Variants in HERC2 observed in about 807,000 individuals in gnomAD.
HERC2 encodes the protein HECT and RLD domain containing E3 ubiquitin protein ligase 2, also known as E3 ubiquitin-protein ligase HERC2.
HERC2 carries 102 observed loss-of-function variants against 537.7 expected under a neutral mutation model. The observed-to-expected ratio is 0.19, with a 90% CI of 0.16 to 0.22. The LOEUF (loss-of-function observed/expected upper bound fraction) is 0.22. Among genes scored for constraint, HERC2 ranks in the 10% least tolerant of loss-of-function variants. HERC2 has a pLI of 1.00. For missense variants in HERC2, 4,236 were observed against 6,198.2 expected, an observed-to-expected ratio of 0.68 and a Z score of 10.63; for synonymous variants, 2,224 against 2,466.2, an observed-to-expected ratio of 0.90 and a Z score of 2.91.
At chr15:28,261,383 T>G (rs2075411475) in intron 15 of HERC2, among the ~76,000 whole-genome samples, 1 of 152,360 alleles carries the variant, frequency 6.6e-6, no homozygotes, top group South Asian at 2.1e-4. Flanking sequence ...CAGTTAGATA[T>G]AACTGATATT....
intron 2 of HERC2, among the ~76,000 whole-genome samples, chr15:28,318,701 T>C (rs1175911576): frequency 6.6e-6 from 1 of 152,294 alleles, no homozygotes; most frequent in Non-Finnish European, 1.5e-5. Context: ...AAATGAGCCC[T>C]GCATTAGAGG....
At chr15:28,154,013 T>C (rs1271712849) in intron 69 of HERC2, among the ~76,000 whole-genome samples, 1 of 152,174 alleles carries the variant, frequency 6.6e-6, no homozygotes, top group Non-Finnish European at 1.5e-5. Flanking sequence ...CCATACCACA[T>C]TCTCAACAAT....
At position 28,114,680 on chromosome 15, in the gene HERC2, C is replaced by T. The variant is rs936062373; in HGVS notation, c.13845G>A (p.Leu4615=). The T allele has an allele frequency of 1.3e-5, 21 of 1,613,948 alleles. No individual in the cohort carries two copies. Among genetic ancestry groups the T allele is most frequent in the Non-Finnish European group, 1.8e-5 (21 of 1,180,034 alleles). The change falls in exon 90 of 93, where the codon TTG becomes TTA. Residue 4615 remains leucine, a synonymous_variant. Coordinates refer to ENST00000261609, the MANE Select transcript of HERC2 (RefSeq NM_004667.6). ...GGGTGATGTGTGTGTGCTTGGAGCTCAACTGAATGTCCTGGCCACTGGCAC... is the reference window on the plus strand; with the variant it reads ...GGGTGATGTGTGTGTGCTTGGAGCTTAACTGAATGTCCTGGCCACTGGCAC... ...VPSASGQDIQ[L]SSKHTHITLD... is the part of the protein sequence containing the mutation.
In HERC2 at chr15:28,262,964, TC is replaced by T; in HGVS notation, c.2075del (p.Gly692GlufsTer12). The T allele has an allele frequency of 6.2e-7, 1 of 1,614,142 alleles. No homozygotes were observed. The highest frequency in any genetic ancestry group is 8.5e-7 in the Non-Finnish European group (1 of 1,179,984). On this transcript the variant is annotated frameshift_variant, in exon 15 of 93. Transcript: ENST00000261609. LOFTEE classifies it high-confidence loss of function. ...GKGDNQRLGH[G>X]TEEHVRYPKL... ...TTGGATAACGAACATGTTCCTCTGT[TC>T]CATGTCCAAGTCTCTGGTTGTCACC...
intron 35 of HERC2, among the ~76,000 whole-genome samples, chr15:28,224,371 A>T (rs182283035): frequency 1.3e-3 from 199 of 152,004 alleles, no homozygotes; most frequent in Admixed American, 3.0e-3. Context: ...ATAGGCACAC[A>T]CCACTATGCC....
chr15:28,248,910 G>A (rs981721323), intron 20 of HERC2, among the ~76,000 whole-genome samples, 174 bp from the exon 21 acceptor site: 1 of 152,138 alleles, frequency 6.6e-6, no homozygotes, highest in African/African-American at 2.4e-5. Flanking sequence ...CGCAACCTCA[G>A]CCAAAACGGA....
intron 4 of HERC2, among the ~76,000 whole-genome samples, chr15:28,284,917 C>CA (rs1555451573): frequency 3.5e-5 from 2 of 56,958 alleles, no homozygotes; most frequent in African/African-American, 1.4e-4. Context: ...AACTCCGTCT[C>CA]GGAAAAAAAA....
intron 4 of HERC2, among the ~76,000 whole-genome samples, chr15:28,292,232 A>G (rs1468323859): frequency 1.1e-4 from 1 of 9,020 alleles, no homozygotes; most frequent in African/African-American, 1.4e-4. Context: ...TCCATCTCCA[A>G]AAAAAAAAAA....
At chr15:28,130,368 C>G (rs1441111652) in intron 82 of HERC2, 66 bp from the exon 83 acceptor site, 12 of 1,608,608 alleles carry the variant, frequency 7.5e-6, no homozygotes, top group Non-Finnish European at 1.0e-5. Context: ...TGACCAGCCT[C>G]CTGGGCAGCC....
At chr15:28,160,186 C>T (rs971688039) in intron 69 of HERC2, among the ~76,000 whole-genome samples, 6 of 152,162 alleles carry the variant, frequency 3.9e-5, no homozygotes, top group African/African-American at 1.4e-4. Flanking sequence ...GGTCAGGGAC[C>T]CACTTGAGGA....
At chr15:28,297,565 C>T (rs1258822203) in intron 3 of HERC2, among the ~76,000 whole-genome samples, 1 of 150,716 alleles carries the variant, frequency 6.6e-6, no homozygotes, top group African/African-American at 2.4e-5. Context: ...AAAAAAAAAA[C>T]ATGAAAATCA....
intron 69 of HERC2, among the ~76,000 whole-genome samples, chr15:28,153,876 G>A (rs1892715304): frequency 6.6e-6 from 1 of 152,104 alleles, no homozygotes; most frequent in Non-Finnish European, 1.5e-5. Flanking sequence ...GGAGCCCGGT[G>A]GGAGGGGCGG....
At chr15:28,201,706 A>T (rs1897929252) in intron 47 of HERC2, 152 bp from the exon 48 acceptor site, 1 of 640,098 alleles carries the variant, frequency 1.6e-6, no homozygotes. Flanking sequence ...AAAGACTAAT[A>T]GCAGTAGCAT....
rs181069637 is a variant in HERC2, at chr15:28,266,430, G to A, written c.1599-456C>T. On this transcript the variant is annotated intron_variant, in intron 12 of 92. Transcript: ENST00000261609. ...CTTGGGAGGCTGAGGCAGGAGAATC[G>A]CTTGAACCTGGGAGGAGGAGGTTGC... 3.9e-3 allele frequency among the ~76,000 whole-genome samples: 587 copies of A among 152,138 alleles called. 17 individuals are homozygous for A. The highest frequency in any genetic ancestry group is 1.1e-3 in the Non-Finnish European group (74 of 67,998).
At chr15:28,215,934 T>C in intron 38 of HERC2, 132 bp from the exon 39 acceptor site, 1 of 654,002 alleles carries the variant, frequency 1.5e-6, no homozygotes, top group Non-Finnish European at 2.5e-6. Context: ...TTGCAGTTTG[T>C]AAATTAATTC....
At chr15:28,151,657 C>T (rs1413796883) in intron 70 of HERC2, among the ~76,000 whole-genome samples, 1 of 151,974 alleles carries the variant, frequency 6.6e-6, no homozygotes, top group Non-Finnish European at 1.5e-5. Context: ...TCGGGAGCTA[C>T]ACTGAAGAGG....
chr15:28,264,796 G>A (rs1175874101), intron 14 of HERC2, among the ~76,000 whole-genome samples: 1 of 152,086 alleles, frequency 6.6e-6, no homozygotes, highest in Non-Finnish European at 1.5e-5. Flanking sequence ...TTAAAATGAC[G>A]AGATGTCAAA....
rs201857604 is a variant in HERC2 at position 28,169,520 on chromosome 15, G to C, written c.10193C>G (p.Ser3398Ter). The change falls in exon 66 of 93, where the codon TCA becomes TGA. Residue 3398 changes from serine (S) to a stop codon, truncating the protein, a stop_gained. Coordinates refer to ENST00000261609, the MANE Select transcript of HERC2 (RefSeq NM_004667.6). LOFTEE classifies it high-confidence loss of function. ...DGNLAKQQAL[S>*]HILTALQIMY... ...GATTTGCAATGCTGTAAGAATATGT[G>C]ATAAGGCCTGCTGTTTGGCCAGATT... The C allele has an allele frequency of 6.2e-7, 1 of 1,610,094 alleles. No individual in the cohort carries two copies. The highest frequency in any genetic ancestry group is 8.5e-7 in the Non-Finnish European group (1 of 1,177,198).
chr15:28,285,803 C>CAAAAAAAAAAAAA (rs3079904), intron 4 of HERC2, among the ~76,000 whole-genome samples: 2 of 72,380 alleles, frequency 2.8e-5, no homozygotes, highest in African/African-American at 8.7e-5. Context: ...GCATGACTGA[C>CAAAAAAAAAAAAA]AAAAAAAAAA....
Sources: allele counts gnomAD v4.1 joint callset (sites outside exome capture counted in the v4.1 genomes callset), GRCh38; gene constraint gnomAD v4.1.1; transcripts MANE v1.5; gene names NCBI Gene and HGNC (gene_info 2026-07-23, HGNC 2026-07-21).